Variants in EZH1 observed in about 807,000 individuals in gnomAD.
EZH1 encodes the protein histone-lysine N-methyltransferase EZH1.
A neutral mutation model predicts 100.5 loss-of-function variants in EZH1; 33 were observed. That is an observed-to-expected ratio of 0.33 (90% CI 0.25 to 0.44). The LOEUF (loss-of-function observed/expected upper bound fraction) is 0.44, where lower values mean the gene tolerates loss of function less well. EZH1 is among the 20% of genes least tolerant of loss of function. The pLI, the probability that EZH1 is intolerant of heterozygous loss-of-function variation, is 1.00. For synonymous variants in EZH1, 272 were observed against 313.8 expected, an observed-to-expected ratio of 0.87 and a Z score of 1.41; for missense variants, 475 against 928.4, an observed-to-expected ratio of 0.51 and a Z score of 6.35.
At chr17:42,707,897 G>T in intron 15 of EZH1, 61 bp downstream of exon 15, 1 of 1,608,252 alleles carries the variant, frequency 6.2e-7, no homozygotes, top group Non-Finnish European at 8.5e-7. Flanking sequence ...AATGGGGCAA[G>T]CCTAGGGCAC....
chr17:42,737,524 G>A (rs2143878604), intron 1 of EZH1, among the ~76,000 whole-genome samples: 1 of 152,232 alleles, frequency 6.6e-6, no homozygotes, highest in South Asian at 2.1e-4. Flanking sequence ...GACAGATGGA[G>A]CCTGCACGAT....
rs770171359 is a variant in EZH1, at chr17:42,720,309, G to A, written c.628C>T (p.Pro210Ser). 1.9e-6 allele frequency: 3 copies of A among 1,613,774 alleles called. No individual in the cohort carries two copies. Among genetic ancestry groups the A allele is most frequent in the East Asian group, 4.5e-5 (2 of 44,870 alleles). The part of the protein sequence containing the change: ...GKQDDSKEDL[P>S]VTRKRKRHAI... ...TGTCGCTTTCTCTTTCTTGTTACTG[G>A]CAGATCTTCTTTGCTGTCATCCTGC... Residue 210 changes from proline to serine, a missense_variant, in exon 7 of 21, where the codon CCA (proline) becomes TCA (serine). By Grantham distance (74) the Pro-to-Ser change is moderately conservative. This residue lies in a region of EZH1 where 180 missense variants were observed against 295.3 expected (regional missense o/e 0.61). Coordinates refer to ENST00000428826, the MANE Select transcript of EZH1 (RefSeq NM_001991.5).
intron 1 of EZH1, among the ~76,000 whole-genome samples, chr17:42,741,277 T>G (rs1362544430): frequency 6.6e-6 from 1 of 152,220 alleles, no homozygotes; most frequent in Non-Finnish European, 1.5e-5. Context: ...TAGAGTACAG[T>G]GGTGCCATCT....
chr17:42,719,203 G>C lies in EZH1; in HGVS notation c.669C>G (p.Asn223Lys), dbSNP rs1225419026. The C allele has an allele frequency of 6.2e-7, 1 of 1,612,766 alleles. No homozygotes were observed. Among genetic ancestry groups the C allele is most frequent in the Non-Finnish European group, 8.5e-7 (1 of 1,179,136 alleles). The change falls in exon 8 of 21, where the codon AAC becomes AAG. Residue 223 changes from asparagine (N) to lysine (K), a missense_variant. Coordinates refer to ENST00000428826, the MANE Select transcript of EZH1 (RefSeq NM_001991.5). ...GGAACTGTTTCTTGGAACTCTTTTT[G>C]TTGCCTGAATTGGAAATGATAAAAA... ...RKRKRHAIEG[N>K]KKSSKKQFPN... is the part of the protein sequence containing the mutation.
rs534076480 is a variant in EZH1, at chr17:42,724,384, T to C, written c.287A>G (p.His96Arg). 9.3e-6 allele frequency: 15 copies of C among 1,614,112 alleles called. No individual in the cohort carries two copies. Among genetic ancestry groups the C allele is most frequent in the Non-Finnish European group, 1.2e-5 (14 of 1,179,986 alleles). ...TGTGTTCAGTGACCTCATTAACATATGTTGGCTTGCAAATCCCGGGAAAAT... is the reference window on the plus strand; with the variant it reads ...TGTGTTCAGTGACCTCATTAACATACGTTGGCTTGCAAATCCCGGGAAAAT... ...ESIFPGFASQ[H>R]MLMRSLNTVA... The change falls in exon 5 of 21, where the codon CAT becomes CGT. Residue 96 changes from histidine to arginine, a missense_variant. Physicochemically the swap from His to Arg is conservative, Grantham distance 29. Around this residue, in one of 8 missense-constraint regions of EZH1, gnomAD observed 105 missense variants for 129.8 expected, o/e 0.81. Coordinates refer to ENST00000428826, the MANE Select transcript of EZH1 (RefSeq NM_001991.5).
chr17:42,716,775 T>C (rs1040814117), intron 10 of EZH1, among the ~76,000 whole-genome samples: 1 of 152,116 alleles, frequency 6.6e-6, no homozygotes, highest in Non-Finnish European at 1.5e-5. Flanking sequence ...CTCGGCTCAC[T>C]GCAGCCTCCA....
At chr17:42,727,879 C>T (rs2053853579) in intron 3 of EZH1, 116 bp from the exon 4 acceptor site, 2 of 725,930 alleles carry the variant, frequency 2.8e-6, no homozygotes, top group Non-Finnish European at 3.7e-6. Flanking sequence ...TGTAGTAGCG[C>T]GATCTCAGCT....
chr17:42,724,440 T>G lies in EZH1; in HGVS notation c.247-16A>C, dbSNP rs1323061395. 1.2e-6 allele frequency: 2 copies of G among 1,612,362 alleles called. No individual in the cohort carries two copies. Reference sequence around the variant, plus strand: ...CTATGGTACACTGAAATATAAGCAATGACATGGAGAGGGAAAGACGGGCAT... The same window carrying G: ...CTATGGTACACTGAAATATAAGCAAGGACATGGAGAGGGAAAGACGGGCAT... On this transcript the variant is annotated splice_polypyrimidine_tract_variant and intron_variant, in intron 4 of 20. Transcript: ENST00000428826.
chr17:42,728,334 G>A (rs1421485519), intron 3 of EZH1, among the ~76,000 whole-genome samples: 55 of 140,254 alleles, frequency 3.9e-4, no homozygotes, highest in Non-Finnish European at 7.5e-4. Flanking sequence ...GGCTGGTCTC[G>A]AACTCCTGAC....
chr17:42,713,877 C>T (rs1480019951), intron 10 of EZH1, among the ~76,000 whole-genome samples: 3 of 152,132 alleles, frequency 2.0e-5, no homozygotes, highest in Non-Finnish European at 4.4e-5. Context: ...AACACATTCT[C>T]CTATGGATGA....
rs1482548963 is a variant in EZH1 at position 42,701,690 on chromosome 17, CAATAGCAGCAT to C, written c.*831_*841del. ...GCCAGGCATACCCCTAATGCTTCTT[CAATAGCAGCAT>C]AATGCTTGCCTGCAGCTGCTAAGCC... is the stretch of plus-strand genomic sequence containing the variant. On this transcript the variant is annotated 3_prime_UTR_variant, in exon 21 of 21. Transcript: ENST00000428826. 2.0e-5 allele frequency: 3 copies of C among 152,708 alleles called. No individual in the cohort carries two copies. The highest frequency in any genetic ancestry group is 4.4e-5 in the Non-Finnish European group (3 of 68,044). 9.5% of individuals were successfully genotyped at this position (152,708 alleles called of 1,614,324 possible). A position where few individuals can be genotyped will look rare whatever the true frequency, so the allele number is the denominator to read the frequency against.
chr17:42,734,961 C>A (rs2054036738), intron 1 of EZH1, among the ~76,000 whole-genome samples: 1 of 148,884 alleles, frequency 6.7e-6, no homozygotes, highest in Non-Finnish European at 1.5e-5. Context: ...CCACTGCACT[C>A]CAGCCTGGGT....
chr17:42,711,775 C>T (rs1352194360), intron 12 of EZH1, among the ~76,000 whole-genome samples: 2 of 152,094 alleles, frequency 1.3e-5, no homozygotes, highest in Non-Finnish European at 2.9e-5. Flanking sequence ...CATGCCACTG[C>T]ACTCCAGCCT....
chr17:42,719,004 C>T (rs1181534493), intron 8 of EZH1, 101 bp downstream of exon 8: 7 of 844,382 alleles, frequency 8.3e-6, no homozygotes, highest in African/African-American at 3.4e-5. Flanking sequence ...ATCATAATGC[C>T]CTTACCATAA....
intron 11 of EZH1, among the ~76,000 whole-genome samples, chr17:42,712,756 A>G (rs1328836840): frequency 6.7e-6 from 1 of 149,026 alleles, no homozygotes; most frequent in Non-Finnish European, 1.5e-5. Flanking sequence ...TACAAAAATT[A>G]GCCAGGCAGG....
At chr17:42,708,955 T>C in intron 13 of EZH1, 39 bp from the exon 14 acceptor site, 1 of 1,613,324 alleles carries the variant, frequency 6.2e-7, no homozygotes, top group Non-Finnish European at 8.5e-7. Context: ...GTCACGGCCC[T>C]AGGGAGCTCT....
rs768571484 is a variant in EZH1, at chr17:42,724,381, A to G, written c.290T>C (p.Met97Thr). Reference protein sequence around the residue: ...SIFPGFASQHMLMRSLNTVAL... With the variant: ...SIFPGFASQHTLMRSLNTVAL... ...AACTGTGTTCAGTGACCTCATTAAC[A>G]TATGTTGGCTTGCAAATCCCGGGAA... Residue 97 changes from methionine (M) to threonine (T), a missense_variant, in exon 5 of 21, where the codon ATG becomes ACG. Met to Thr is a moderately conservative substitution (Grantham distance 81). Transcript: ENST00000428826. The G allele has an allele frequency of 6.2e-7, 1 of 1,614,028 alleles. No homozygotes were observed. The highest frequency in any genetic ancestry group is 8.5e-7 in the Non-Finnish European group (1 of 1,179,988).
intron 10 of EZH1, chr17:42,714,385 T>C (rs983199765): frequency 3.1e-6 from 1 of 317,484 alleles, no homozygotes; most frequent in East Asian, 7.4e-5. Flanking sequence ...GGTAATAGAA[T>C]TGATTACCTT....
intron 4 of EZH1, 97 bp downstream of exon 4, chr17:42,727,538 T>C (rs1318264583): frequency 7.7e-6 from 11 of 1,425,638 alleles, no homozygotes; most frequent in South Asian, 1.3e-5. Context: ...CCACCATACC[T>C]TGTCTTACTT....
Sources: gnomAD v4.1 joint callset for allele counts (sites outside exome capture counted in the v4.1 genomes callset) on GRCh38, gnomAD v4.1.1 for gene constraint, gnomAD v4.1.1 regional missense constraint, MANE v1.5 for transcripts, NCBI Gene and HGNC (gene_info 2026-07-23, HGNC 2026-07-21) for gene names.